Variants in PMS1 observed in about 807,000 individuals in gnomAD.
PMS1 encodes the protein PMS1 protein homolog 1.
A neutral mutation model predicts 93.1 loss-of-function variants in PMS1; 79 were observed. The ratio of observed to expected loss-of-function variants is 0.85; its 90% CI spans 0.71 to 1.02. The LOEUF is 1.02. PMS1 is among the 50% of genes least tolerant of loss of function. PMS1 has a pLI of 0.00. For missense variants in PMS1, 1,064 were observed against 1,085.3 expected (o/e 0.98, Z 0.28); for synonymous variants, 335 against 363.4 (o/e 0.92, Z 0.89).
intron 12 of PMS1, among the ~76,000 whole-genome samples, chr2:189,876,284 G>A (rs911366578): frequency 2.6e-5 from 4 of 152,058 alleles, no homozygotes; most frequent in Admixed American, 2.0e-4. Context: ...AAGAGCTGTA[G>A]GTACTATAAG....
rs562571731 is a variant in PMS1 at position 189,841,583 on chromosome 2, C to T, written c.583-2381C>T. Among the ~76,000 whole-genome samples, 18 of 152,094 alleles carry T rather than the reference C, an allele frequency of 1.2e-4. No homozygotes were observed. In the South Asian group the frequency reaches 3.5e-3, roughly 30 times the overall value. On this transcript the variant is annotated intron_variant, in intron 5 of 12. Coordinates refer to ENST00000441310, the MANE Select transcript of PMS1 (RefSeq NM_000534.5). ...GAGAACATGAGTCTGTTTACTTCACCTTTCATCTTATTATACGTAATATCA... is the reference window on the plus strand; with the variant it reads ...GAGAACATGAGTCTGTTTACTTCACTTTTCATCTTATTATACGTAATATCA...
intron 1 of PMS1, among the ~76,000 whole-genome samples, chr2:189,786,721 C>T (rs969983341): frequency 4.6e-5 from 7 of 152,164 alleles, no homozygotes; most frequent in African/African-American, 1.7e-4. Flanking sequence ...CTCATGTTGG[C>T]TATTACTTTT....
chr2:189,841,323 G>A (rs554364124), intron 5 of PMS1, among the ~76,000 whole-genome samples: 69 of 152,278 alleles, frequency 4.5e-4, no homozygotes, highest in African/African-American at 1.5e-3. Flanking sequence ...TATCTGATTG[G>A]TATCAATACA....
chr2:189,793,891 A>G (rs1416363995), intron 2 of PMS1, among the ~76,000 whole-genome samples: 1 of 152,164 alleles, frequency 6.6e-6, no homozygotes, highest in Non-Finnish European at 1.5e-5. Context: ...AATTAATTAA[A>G]CGTGATGGTA....
intron 11 of PMS1, 97 bp from the exon 12 acceptor site, chr2:189,873,399 T>G: frequency 1.3e-6 from 1 of 775,000 alleles, no homozygotes; most frequent in Non-Finnish European, 2.2e-6. Context: ...TAAATTTGAA[T>G]GAGGGTTCAC....
At chr2:189,814,867 G>T (rs750528955) in intron 4 of PMS1, among the ~76,000 whole-genome samples, 1 of 152,134 alleles carries the variant, frequency 6.6e-6, no homozygotes, top group Non-Finnish European at 1.5e-5. Context: ...GGAGGCCAAG[G>T]TGGGCAGATC....
At position 189,835,077 on chromosome 2, in the gene PMS1, A is replaced by G. The variant is rs1013146764; in HGVS notation, c.583-8887A>G. 2.0e-5 allele frequency among the ~76,000 whole-genome samples: 3 copies of G among 152,236 alleles called. 1 individual carries two copies. In the East Asian group the frequency reaches 5.8e-4, roughly 29 times the overall value. ...AAAACCCAAAAATGTATGAAAAGGT[A>G]GAATGAAAAAATTATTCTTTTCTTT... On this transcript the variant is annotated intron_variant, in intron 5 of 12. Coordinates refer to ENST00000441310, the MANE Select transcript of PMS1 (RefSeq NM_000534.5).
intron 9 of PMS1, among the ~76,000 whole-genome samples, chr2:189,863,326 T>C (rs145314597): frequency 0.014 from 2,160 of 151,650 alleles, 55 homozygotes; most frequent in African/African-American, 0.05. Context: ...CGATCTCGGC[T>C]CATTGCAACT....
intron 6 of PMS1, among the ~76,000 whole-genome samples, chr2:189,848,716 GTC>G (rs1559296091): frequency 1.3e-5 from 2 of 152,160 alleles, no homozygotes; most frequent in Admixed American, 6.5e-5. Context: ...ACTTTTGAGT[GTC>G]TCTCTGGTGA....
intron 2 of PMS1, among the ~76,000 whole-genome samples, chr2:189,792,934 T>C (rs1483987258): frequency 6.6e-6 from 1 of 151,904 alleles, no homozygotes; most frequent in African/African-American, 2.4e-5. Flanking sequence ...CCCAGCCTCC[T>C]GAATAGCTGG....
chr2:189,876,966 A>C (rs149613425), intron 12 of PMS1, among the ~76,000 whole-genome samples: 1 of 151,342 alleles, frequency 6.6e-6, no homozygotes, highest in Non-Finnish European at 1.5e-5. Context: ...TCTTTTTCCA[A>C]CTCTACAATC....
At chr2:189,853,315 C>T (rs1016723752) in intron 7 of PMS1, among the ~76,000 whole-genome samples, 7 of 151,960 alleles carry the variant, frequency 4.6e-5, no homozygotes, top group African/African-American at 1.7e-4. Context: ...CTCGGCCTCC[C>T]AAAGTGCTGT....
At chr2:189,793,119 C>T (rs986801764) in intron 2 of PMS1, among the ~76,000 whole-genome samples, 12 of 152,058 alleles carry the variant, frequency 7.9e-5, no homozygotes, top group African/African-American at 2.9e-4. Context: ...CCATACTATA[C>T]CCATTTTACA....
At chr2:189,822,588 G>A (rs925771990) in intron 5 of PMS1, among the ~76,000 whole-genome samples, 5 of 152,144 alleles carry the variant, frequency 3.3e-5, no homozygotes, top group African/African-American at 4.8e-5. Context: ...ACAGATTGTT[G>A]CTACAGCAAC....
chr2:189,840,311 C>G (rs553932162), intron 5 of PMS1, among the ~76,000 whole-genome samples: 1 of 152,118 alleles, frequency 6.6e-6, no homozygotes, highest in Admixed American at 6.5e-5. Flanking sequence ...ACAGCTGGAT[C>G]GGTTATAACT....
chr2:189,846,272 G>A (rs1206615626), intron 6 of PMS1, among the ~76,000 whole-genome samples: 1 of 152,052 alleles, frequency 6.6e-6, no homozygotes, highest in Non-Finnish European at 1.5e-5. Flanking sequence ...AGCACTTTGG[G>A]AAGCCAAGGC....
chr2:189,873,542 T>C lies in PMS1; in HGVS notation c.2520T>C (p.Asn840=). ...ENYLEIEGMA[N]CLPFYGVADL... is the part of the protein sequence containing the mutation. ...ACTTGGAAATAGAAGGAATGGCTAA[T>C]TGTCTCCCATTCTATGGAGTAGCAG... is the stretch of plus-strand genomic sequence containing the variant. The change falls in exon 12 of 13, where the codon AAT becomes AAC. Residue 840 remains asparagine, a synonymous_variant. Coordinates refer to ENST00000441310, the MANE Select transcript of PMS1 (RefSeq NM_000534.5). 1.9e-6 allele frequency: 3 copies of C among 1,597,718 alleles called. No individual in the cohort carries two copies. The highest frequency in any genetic ancestry group is 2.6e-6 in the Non-Finnish European group (3 of 1,165,110).
Position 189,873,643 on chromosome 2 carries a change from TAA to T in PMS1, c.2622_2623del (p.Ile874MetfsTer37). On this transcript the variant is annotated frameshift_variant, in exon 12 of 13. Transcript: ENST00000441310. LOFTEE classifies it high-confidence loss of function. ...TATGAATGTAGACCTCGCAAAGTGA[TAA>T]GTTATTTAGAGGTACGCATTATTTT... The T allele has an allele frequency of 6.2e-7, 1 of 1,604,688 alleles. No homozygotes were observed. Among genetic ancestry groups the T allele is most frequent in the Non-Finnish European group, 8.5e-7 (1 of 1,171,778 alleles).
chr2:189,836,223 G>A lies in PMS1; in HGVS notation c.583-7741G>A, dbSNP rs185073670. ...TCTAACTTCATTTTCTTCAAGTAGC[G>A]TATGTCAGTGAGGTAGGAATTAGGG... On this transcript the variant is annotated intron_variant, in intron 5 of 12. Coordinates refer to ENST00000441310, the MANE Select transcript of PMS1 (RefSeq NM_000534.5). Among the ~76,000 whole-genome samples the A allele has an allele frequency of 4.8e-4, 73 of 152,262 alleles. No homozygotes were observed. The Middle Eastern group carries it at 0.014, about 28-fold the overall frequency.
Sources: allele counts gnomAD v4.1 joint callset (sites outside exome capture counted in the v4.1 genomes callset), GRCh38; gene constraint gnomAD v4.1.1; transcripts MANE v1.5; gene names NCBI Gene and HGNC (gene_info 2026-07-23, HGNC 2026-07-21).